NFYC: variants seen among roughly 807,000 people sequenced by gnomAD.
NFYC encodes the protein CAAT box DNA-binding protein subunit C.
Under a neutral mutation model 53.1 loss-of-function variants are expected in NFYC, and 25 were observed. The ratio of observed to expected loss-of-function variants is 0.47; its 90% CI spans 0.34 to 0.66. The LOEUF (loss-of-function observed/expected upper bound fraction) is 0.66, where lower values mean the gene tolerates loss of function less well. Ranked by LOEUF, NFYC falls within the 30% of genes least tolerant of loss-of-function variation. NFYC has a pLI of 0.01. For synonymous variants in NFYC, 145 were observed against 152.6 expected (o/e 0.95, Z 0.37); for missense variants, 260 against 422.7 (o/e 0.62, Z 3.38).
intron 1 of NFYC, among the ~76,000 whole-genome samples, chr1:40,705,492 T>C (rs1488975467): frequency 6.6e-6 from 1 of 152,250 alleles, no homozygotes; most frequent in Non-Finnish European, 1.5e-5. Context: ...CGTGTTAACA[T>C]AACCAAACTC....
intron 1 of NFYC, among the ~76,000 whole-genome samples, chr1:40,731,724 T>G (rs1644782631): frequency 6.6e-6 from 1 of 152,002 alleles, no homozygotes; most frequent in Non-Finnish European, 1.5e-5. Flanking sequence ...GACCTCGTGA[T>G]CTGCCCACCT....
At chr1:40,749,920 T>C (rs778224049) in intron 4 of NFYC, among the ~76,000 whole-genome samples, 1 of 152,226 alleles carries the variant, frequency 6.6e-6, no homozygotes, top group Non-Finnish European at 1.5e-5. Flanking sequence ...ACCAAAAATC[T>C]TAATCAATTC....
chr1:40,726,084 T>G (rs541926938), intron 1 of NFYC, among the ~76,000 whole-genome samples: 1 of 150,940 alleles, frequency 6.6e-6, no homozygotes, highest in African/African-American at 2.4e-5. Flanking sequence ...TTGGGGTGGC[T>G]TTGGCAATTT....
chr1:40,694,149 G>A (rs1642996416), intron 1 of NFYC, among the ~76,000 whole-genome samples: 1 of 152,252 alleles, frequency 6.6e-6, no homozygotes, highest in East Asian at 1.9e-4. Flanking sequence ...ACTACCAAGT[G>A]CCTAGTGTAA....
chr1:40,742,906 A>G (rs1031828600), intron 2 of NFYC, among the ~76,000 whole-genome samples: 3 of 152,170 alleles, frequency 2.0e-5, no homozygotes, highest in African/African-American at 7.2e-5. Flanking sequence ...ACATTTTAGC[A>G]TTTAATCTGT....
chr1:40,758,391 T>C, intron 6 of NFYC, 97 bp downstream of exon 6: 1 of 1,301,820 alleles, frequency 7.7e-7, no homozygotes, highest in Non-Finnish European at 1.0e-6. Flanking sequence ...AGCCAGATCA[T>C]TATAGAGCAC....
chr1:40,769,521 A>G, intron 9 of NFYC, 106 bp downstream of exon 9: 1 of 886,506 alleles, frequency 1.1e-6, no homozygotes, highest in African/African-American at 1.6e-5. Flanking sequence ...TCCTCTACTA[A>G]CAGTGAGTGG....
intron 2 of NFYC, among the ~76,000 whole-genome samples, chr1:40,742,670 A>G (rs1474483371): frequency 1.3e-5 from 2 of 152,224 alleles, no homozygotes; most frequent in African/African-American, 4.8e-5. Flanking sequence ...GCTTAGAACA[A>G]TGTCTGGCAT....
At chr1:40,691,984 G>A in intron 1 of NFYC, 117 bp downstream of exon 1, 1 of 301,898 alleles carries the variant, frequency 3.3e-6, no homozygotes, top group Non-Finnish European at 6.6e-6. Flanking sequence ...CGCTGCTGTA[G>A]CTCGGTCCGT....
At chr1:40,764,634 C>T (rs1325657227) in intron 7 of NFYC, among the ~76,000 whole-genome samples, 1 of 152,268 alleles carries the variant, frequency 6.6e-6, no homozygotes, top group Non-Finnish European at 1.5e-5. Context: ...TTCATCTTCA[C>T]TGGCTCAGGC....
chr1:40,764,039 G>T (rs749889888), intron 7 of NFYC, among the ~76,000 whole-genome samples: 7 of 152,218 alleles, frequency 4.6e-5, no homozygotes, highest in Non-Finnish European at 8.8e-5. Flanking sequence ...GCTGCTTCCT[G>T]TGTGCCTTGA....
At chr1:40,727,414 G>A (rs1288510445) in intron 1 of NFYC, among the ~76,000 whole-genome samples, 1 of 152,060 alleles carries the variant, frequency 6.6e-6, no homozygotes, top group African/African-American at 2.4e-5. Flanking sequence ...TGTAGAGACA[G>A]GTTTTGCCAT....
At chr1:40,749,861 ACTGTTGGGAGGCAGACATAC>A (rs1267578483) in intron 4 of NFYC, among the ~76,000 whole-genome samples, 175 bp downstream of exon 4, 1 of 152,152 alleles carries the variant, frequency 6.6e-6, no homozygotes, top group East Asian at 1.9e-4. Context: ...TGGCATCACC[ACTGTTGGGAGGCAGACATAC>A]CTTCTAGCCA....
At chr1:40,762,579 T>C (rs1646603834) in intron 6 of NFYC, among the ~76,000 whole-genome samples, 1 of 152,238 alleles carries the variant, frequency 6.6e-6, no homozygotes, top group Admixed American at 6.5e-5. Flanking sequence ...TTCTGTAGTG[T>C]ATGTGCCTTA....
chr1:40,711,833 ACATT>A (rs1482121976), intron 1 of NFYC, among the ~76,000 whole-genome samples: 1 of 152,150 alleles, frequency 6.6e-6, no homozygotes, highest in Non-Finnish European at 1.5e-5. Flanking sequence ...AGAGATATGG[ACATT>A]TATTTACTCT....
intron 6 of NFYC, among the ~76,000 whole-genome samples, chr1:40,759,696 GA>G (rs978860120): frequency 2.0e-5 from 3 of 152,012 alleles, no homozygotes; most frequent in African/African-American, 7.3e-5. Context: ...TTTCTGAAGG[GA>G]ATAATATGAG....
At chr1:40,725,577 A>T (rs1293492159) in intron 1 of NFYC, among the ~76,000 whole-genome samples, 2 of 152,238 alleles carry the variant, frequency 1.3e-5, no homozygotes, top group African/African-American at 2.4e-5. Context: ...TGTAAACATA[A>T]AAACCAAATA....
At chr1:40,711,907 AG>A (rs1314053565) in intron 1 of NFYC, among the ~76,000 whole-genome samples, 1 of 152,218 alleles carries the variant, frequency 6.6e-6, no homozygotes, top group Non-Finnish European at 1.5e-5. Flanking sequence ...TCTGTGTTCA[AG>A]CCCCACTCAC....
At chr1:40,734,857 T>G (rs1320826358) in intron 1 of NFYC, 3 of 152,226 alleles carry the variant, frequency 2.0e-5, no homozygotes, top group Non-Finnish European at 4.4e-5. Flanking sequence ...CCTTTTTCTC[T>G]TTTTTCCTGG....
Sources: allele counts gnomAD v4.1 joint callset (sites outside exome capture counted in the v4.1 genomes callset), GRCh38; gene constraint gnomAD v4.1.1; transcripts MANE v1.5; gene names NCBI Gene and HGNC (gene_info 2026-07-23, HGNC 2026-07-21).